The following SYNDIG1 variants were observed in gnomAD, a reference collection of about 807,000 sequenced individuals.
SYNDIG1 encodes synapse differentiation inducing 1.
Under a neutral mutation model 19.4 loss-of-function variants are expected in SYNDIG1, and 9 were observed. That is an observed-to-expected ratio of 0.46 (90% CI 0.28 to 0.81). SYNDIG1 has a LOEUF of 0.81. Ranked by LOEUF, SYNDIG1 falls within the 30% of genes least tolerant of loss-of-function variation. The pLI, the probability that SYNDIG1 is intolerant of heterozygous loss-of-function variation, is 0.12. For synonymous variants in SYNDIG1, 141 were observed against 145.9 expected (o/e 0.97, Z 0.24); for missense variants, 311 against 343.3 (o/e 0.91, Z 0.74).
At chr20:24,621,103 T>C (rs984504023) in intron 3 of SYNDIG1, among the ~76,000 whole-genome samples, 2 of 152,252 alleles carry the variant, frequency 1.3e-5, no homozygotes, top group Non-Finnish European at 2.9e-5. Flanking sequence ...TTAAATATTT[T>C]AAGAGTGTTA....
At chr20:24,654,059 C>T (rs935560927) in intron 3 of SYNDIG1, among the ~76,000 whole-genome samples, 3 of 152,158 alleles carry the variant, frequency 2.0e-5, no homozygotes, top group African/African-American at 7.2e-5. Flanking sequence ...AGAGAAAAGA[C>T]CAATGTACAA....
intron 1 of SYNDIG1, among the ~76,000 whole-genome samples, chr20:24,500,530 C>T (rs868082172): frequency 2.4e-4 from 25 of 106,112 alleles, no homozygotes; most frequent in East Asian, 5.6e-4. Context: ...TTCTTTCTTT[C>T]TTCTTTCTTT....
intron 2 of SYNDIG1, among the ~76,000 whole-genome samples, chr20:24,556,172 A>G (rs547049521): frequency 3.8e-4 from 58 of 152,042 alleles, no homozygotes; most frequent in Admixed American, 1.5e-3. Flanking sequence ...ATCTTCCTCC[A>G]TCCTTTTATT....
chr20:24,561,491 C>T (rs960947138), intron 2 of SYNDIG1, among the ~76,000 whole-genome samples: 8 of 152,152 alleles, frequency 5.3e-5, no homozygotes, highest in Non-Finnish European at 1.0e-4. Flanking sequence ...TTCCTGGTTT[C>T]CATGGCTAAC....
intron 1 of SYNDIG1, among the ~76,000 whole-genome samples, chr20:24,478,925 G>A (rs889097783): frequency 2.6e-5 from 4 of 152,206 alleles, no homozygotes; most frequent in African/African-American, 9.7e-5. Context: ...ACAGCAGGTC[G>A]ACTGTCAGAC....
chr20:24,559,123 G>GTATA (rs373041422), intron 2 of SYNDIG1, among the ~76,000 whole-genome samples: 5,246 of 150,998 alleles, frequency 0.035, 147 homozygotes, highest in South Asian at 0.057. Flanking sequence ...TAAAAATGTG[G>GTATA]TATATATATA....
At chr20:24,501,910 T>G (rs1479839609) in intron 1 of SYNDIG1, among the ~76,000 whole-genome samples, 1 of 152,198 alleles carries the variant, frequency 6.6e-6, no homozygotes, top group Non-Finnish European at 1.5e-5. Context: ...CCTGTGGCCT[T>G]TTTCCTGGGG....
chr20:24,481,024 T>C (rs1052738223), intron 1 of SYNDIG1, among the ~76,000 whole-genome samples: 1 of 152,168 alleles, frequency 6.6e-6, no homozygotes, highest in African/African-American at 2.4e-5. Flanking sequence ...ACGTGCGAGA[T>C]GAAAAAGTTC....
chr20:24,572,585 C>A (rs1157327781), intron 2 of SYNDIG1, among the ~76,000 whole-genome samples: 4 of 152,146 alleles, frequency 2.6e-5, no homozygotes, highest in Non-Finnish European at 4.4e-5. Flanking sequence ...CTCATTCAAG[C>A]CGAAGAAGCT....
At chr20:24,475,359 G>A (rs189105270) in intron 1 of SYNDIG1, among the ~76,000 whole-genome samples, 21 of 152,274 alleles carry the variant, frequency 1.4e-4, no homozygotes, top group Middle Eastern at 3.4e-3. Context: ...TTCTAAAAGT[G>A]CATTTAAGAA....
At chr20:24,634,457 A>G (rs2059294261) in intron 3 of SYNDIG1, among the ~76,000 whole-genome samples, 1 of 152,232 alleles carries the variant, frequency 6.6e-6, no homozygotes, top group Admixed American at 6.5e-5. Flanking sequence ...TACATACTGT[A>G]ACTTCTCCTC....
chr20:24,612,552 G>T (rs895272743), intron 3 of SYNDIG1, among the ~76,000 whole-genome samples: 1 of 152,214 alleles, frequency 6.6e-6, no homozygotes, highest in Non-Finnish European at 1.5e-5. Flanking sequence ...ACCTGCAAAA[G>T]ATTAATTTTA....
chr20:24,503,581 A>G (rs1600457224), intron 1 of SYNDIG1, among the ~76,000 whole-genome samples: 1 of 150,356 alleles, frequency 6.7e-6, no homozygotes, highest in Non-Finnish European at 1.5e-5. Flanking sequence ...AAATCCCCCA[A>G]TGGGAATGCC....
chr20:24,588,755 G>C (rs2058458955), intron 3 of SYNDIG1, among the ~76,000 whole-genome samples: 1 of 152,214 alleles, frequency 6.6e-6, no homozygotes, highest in African/African-American at 2.4e-5. Flanking sequence ...CCTGGGTTCT[G>C]ATGTTGCTCG....
chr20:24,494,671 C>T (rs887198813), intron 1 of SYNDIG1, among the ~76,000 whole-genome samples: 3 of 152,164 alleles, frequency 2.0e-5, no homozygotes, highest in Admixed American at 6.5e-5. Context: ...CAGCAGGGAC[C>T]GGGGCCCTGA....
At chr20:24,596,645 CT>C (rs1393324210) in intron 3 of SYNDIG1, among the ~76,000 whole-genome samples, 1 of 152,184 alleles carries the variant, frequency 6.6e-6, no homozygotes. Context: ...TCCCAAACTG[CT>C]GGAATTACAG....
chr20:24,475,315 A>G (rs758384084), intron 1 of SYNDIG1, among the ~76,000 whole-genome samples: 4 of 152,190 alleles, frequency 2.6e-5, no homozygotes, highest in South Asian at 2.1e-4. Flanking sequence ...CCTACAAAAG[A>G]TTGGTACCAA....
chr20:24,624,405 A>G (rs888786316), intron 3 of SYNDIG1, among the ~76,000 whole-genome samples: 2 of 152,230 alleles, frequency 1.3e-5, no homozygotes, highest in African/African-American at 4.8e-5. Flanking sequence ...GGCTGTATTA[A>G]TTTGAGAAAA....
chr20:24,563,598 C>G (rs894205766), intron 2 of SYNDIG1, among the ~76,000 whole-genome samples: 2 of 152,110 alleles, frequency 1.3e-5, no homozygotes, highest in African/African-American at 4.8e-5. Flanking sequence ...TATATAAACT[C>G]CTAATTAAAT....
Sources: allele counts gnomAD v4.1 joint callset (sites outside exome capture counted in the v4.1 genomes callset), GRCh38; gene constraint gnomAD v4.1.1; transcripts MANE v1.5; gene names NCBI Gene and HGNC (gene_info 2026-07-23, HGNC 2026-07-21).